The following CFAP221 variants were observed in gnomAD, a reference collection of about 807,000 sequenced individuals.
CFAP221 encodes cilia and flagella associated protein 221.
In CFAP221, 97 loss-of-function variants were observed where a neutral mutation model predicts 113.1. That is an observed-to-expected ratio of 0.86 (90% CI 0.73 to 1.02). The LOEUF (loss-of-function observed/expected upper bound fraction) is 1.02, where lower values mean the gene tolerates loss of function less well. Ranked by LOEUF, CFAP221 falls within the 50% of genes least tolerant of loss-of-function variation. The pLI is 0.00. For missense variants in CFAP221, 1,025 were observed against 1,013.4 expected (o/e 1.01, Z -0.16); for synonymous variants, 331 against 354.4 (o/e 0.93, Z 0.74).
At chr2:119,650,317 C>T (rs145863789) in intron 22 of CFAP221, among the ~76,000 whole-genome samples, 49 of 152,268 alleles carry the variant, frequency 3.2e-4, no homozygotes, top group African/African-American at 1.1e-3. Context: ...ACTTCAGTTC[C>T]GAAAAGGAAT....
chr2:119,571,366 C>T, intron 6 of CFAP221, among the ~76,000 whole-genome samples: 1 of 151,932 alleles, frequency 6.6e-6, no homozygotes, highest in East Asian at 1.9e-4. Flanking sequence ...TCTCGAATTC[C>T]TGACCTCAGG....
chr2:119,625,634 G>C lies in CFAP221; in HGVS notation c.1462G>C (p.Asp488His), dbSNP rs1686254130. ...TATGCTGAGTGCTGTTCGTGAAATG[G>C]ACAAAGAGAGTATACTGAGAAAGAT... The part of the protein sequence containing the change: ...FNMLSAVREM[D>H]KESILRKIGQ... Residue 488 changes from aspartate (D) to histidine (H), a missense_variant, in exon 15 of 24, where the codon GAC becomes CAC. Asp to His is a moderately conservative substitution (Grantham distance 81, BLOSUM62 -1). Transcript: ENST00000413369. 6.2e-7 allele frequency: 1 copy of C among 1,613,856 alleles called. No individual in the cohort carries two copies. The highest frequency in any genetic ancestry group is 1.1e-5 in the South Asian group (1 of 91,076).
chr2:119,649,826 AAG>A (rs1376929847), intron 22 of CFAP221, among the ~76,000 whole-genome samples: 2 of 152,196 alleles, frequency 1.3e-5, no homozygotes, highest in African/African-American at 2.4e-5. Context: ...AATTGCAAGA[AAG>A]AGGGGGAAGA....
At chr2:119,564,992 C>T (rs1464486443) in intron 6 of CFAP221, among the ~76,000 whole-genome samples, 2 of 152,190 alleles carry the variant, frequency 1.3e-5, no homozygotes, top group Non-Finnish European at 2.9e-5. Context: ...GGCCTTTACA[C>T]ACCCACCTGC....
At chr2:119,600,276 CA>C (rs1684276436) in intron 7 of CFAP221, among the ~76,000 whole-genome samples, 1 of 152,164 alleles carries the variant, frequency 6.6e-6, no homozygotes, top group Admixed American at 6.5e-5. Context: ...GAATTAGGCA[CA>C]GTGTGATATT....
intron 6 of CFAP221, among the ~76,000 whole-genome samples, chr2:119,566,976 TA>T (rs1681692725): frequency 6.6e-6 from 1 of 152,220 alleles, no homozygotes; most frequent in Non-Finnish European, 1.5e-5. Context: ...GAAGACTTTA[TA>T]TTCTTATAGC....
At chr2:119,597,831 CTT>C (rs1473083045) in intron 7 of CFAP221, among the ~76,000 whole-genome samples, 1 of 152,200 alleles carries the variant, frequency 6.6e-6, no homozygotes, top group Non-Finnish European at 1.5e-5. Context: ...AAGTTACAAA[CTT>C]AGACTCCTAT....
At chr2:119,606,539 C>A (rs1684779224) in intron 11 of CFAP221, among the ~76,000 whole-genome samples, 2 of 152,062 alleles carry the variant, frequency 1.3e-5, no homozygotes, top group South Asian at 4.1e-4. Flanking sequence ...GGGAAGTACT[C>A]CAAGGAACTG....
intron 7 of CFAP221, among the ~76,000 whole-genome samples, chr2:119,593,914 C>T (rs533171273): frequency 1.3e-5 from 2 of 152,236 alleles, no homozygotes; most frequent in South Asian, 2.1e-4. Context: ...CAAGAACTCA[C>T]TCATCAGTAA....
In CFAP221 at chr2:119,611,642, T is replaced by G. The variant is rs1685172839; in HGVS notation, c.1222-11T>G. 1.3e-6 allele frequency: 2 copies of G among 1,596,000 alleles called. No homozygotes were observed. Among genetic ancestry groups the G allele is most frequent in the Non-Finnish European group, 1.7e-6 (2 of 1,174,398 alleles). On this transcript the variant is annotated splice_polypyrimidine_tract_variant and intron_variant, in intron 12 of 23. Transcript: ENST00000413369. ...ATTCAACTTAAATTATTTTGATGAT[T>G]AAAAACCCAGCTAGACAGAGGAGAT... is the stretch of plus-strand genomic sequence containing the variant.
chr2:119,625,777 A>T, intron 15 of CFAP221, 89 bp downstream of exon 15: 1 of 1,120,872 alleles, frequency 8.9e-7, no homozygotes, highest in Non-Finnish European at 1.3e-6. Context: ...GCTCTATGCA[A>T]ATAAAAAATT....
At chr2:119,598,422 T>G (rs1312873753) in intron 7 of CFAP221, among the ~76,000 whole-genome samples, 5 of 152,248 alleles carry the variant, frequency 3.3e-5, no homozygotes. Flanking sequence ...ACCCATCGTA[T>G]TGATAAACTA....
intron 3 of CFAP221, among the ~76,000 whole-genome samples, chr2:119,554,079 C>T (rs2105024287): frequency 6.6e-6 from 1 of 152,336 alleles, no homozygotes; most frequent in African/African-American, 2.4e-5. Flanking sequence ...AGCCAGCCCC[C>T]TGTTTCCACG....
At chr2:119,568,319 CTTTATTTTTATT>C (rs746910034) in intron 6 of CFAP221, among the ~76,000 whole-genome samples, 5 of 150,730 alleles carry the variant, frequency 3.3e-5, no homozygotes, top group African/African-American at 9.9e-5. Flanking sequence ...AGTGTTCTTC[CTTTATTTTTATT>C]TTTATTTTTA....
At chr2:119,627,583 A>G in intron 15 of CFAP221, 70 bp from the exon 16 acceptor site, 1 of 1,465,752 alleles carries the variant, frequency 6.8e-7, no homozygotes, top group East Asian at 2.3e-5. Context: ...AAAATATGCA[A>G]ATATATATGG....
At chr2:119,621,672 C>G (rs1685931829) in intron 14 of CFAP221, among the ~76,000 whole-genome samples, 1 of 152,062 alleles carries the variant, frequency 6.6e-6, no homozygotes, top group Non-Finnish European at 1.5e-5. Context: ...TGCAAAAGAA[C>G]AGAAATCATA....
At chr2:119,605,819 T>C (rs527917773) in intron 11 of CFAP221, among the ~76,000 whole-genome samples, 1 of 152,280 alleles carries the variant, frequency 6.6e-6, no homozygotes, top group East Asian at 1.9e-4. Context: ...CAGATTTAGC[T>C]GAAAAGTAAA....
rs1466869868 is a variant in CFAP221, at chr2:119,627,636, C to T, written c.1517-17C>T. 1.2e-6 allele frequency: 2 copies of T among 1,611,068 alleles called. No individual in the cohort carries two copies. Among genetic ancestry groups the T allele is most frequent in the Non-Finnish European group, 1.7e-6 (2 of 1,178,754 alleles). On this transcript the variant is annotated splice_polypyrimidine_tract_variant and intron_variant, in intron 15 of 23. Transcript: ENST00000413369. ...ACCTTTAGTACCCCCTAAAAGTGCCCTTTTTTTCACCCATAGAGGCGAATT... is the reference window on the plus strand; with the variant it reads ...ACCTTTAGTACCCCCTAAAAGTGCCTTTTTTTTCACCCATAGAGGCGAATT...
chr2:119,640,228 G>GA lies in CFAP221; in HGVS notation c.2225+364dup, dbSNP rs375565597. On this transcript the variant is annotated intron_variant, in intron 21 of 23. Coordinates refer to ENST00000413369, the MANE Select transcript of CFAP221 (RefSeq NM_001271049.2). ...CCATCTCAAAACAAAAAAAAAAAAG[G>GA]AAAAAAAATCATAAATTGCCAAGAT... Among the ~76,000 whole-genome samples the GA allele has an allele frequency of 8.0e-5, 12 of 149,598 alleles. No individual in the cohort carries two copies. The South Asian group carries it at 1.5e-3, about 18-fold the overall frequency.
Sources: gnomAD v4.1 joint callset for allele counts (sites outside exome capture counted in the v4.1 genomes callset) on GRCh38, gnomAD v4.1.1 for gene constraint, MANE v1.5 for transcripts, NCBI Gene and HGNC (gene_info 2026-07-23, HGNC 2026-07-21) for gene names.